Variants in SOX5 observed in about 807,000 individuals in gnomAD.
SOX5 encodes the protein transcription factor SOX-5.
SOX5 carries 9 observed loss-of-function variants against 92.0 expected under a neutral mutation model. That is an observed-to-expected ratio of 0.10 (90% CI 0.06 to 0.17). The LOEUF is 0.17. SOX5 is among the 10% of genes least tolerant of loss of function. The pLI, the probability that SOX5 is intolerant of heterozygous loss-of-function variation, is 1.00. For missense variants in SOX5, 642 were observed against 944.5 expected (o/e 0.68, Z 4.20); for synonymous variants, 344 against 336.3 (o/e 1.02, Z -0.25).
chr12:24,226,636 A>C (rs1314182247), intron 3 of SOX5, among the ~76,000 whole-genome samples: 1 of 151,644 alleles, frequency 6.6e-6, no homozygotes, highest in Non-Finnish European at 1.5e-5. Flanking sequence ...ACGCCCAGCT[A>C]ATTTTTGTAT....
chr12:23,759,568 G>C (rs1053864943), intron 3 of SOX5, among the ~76,000 whole-genome samples: 2 of 152,066 alleles, frequency 1.3e-5, no homozygotes, highest in African/African-American at 4.8e-5. Flanking sequence ...ATAACAGTAA[G>C]AAATAATCTC....
intron 4 of SOX5, among the ~76,000 whole-genome samples, chr12:23,971,222 A>G (rs1037322626): frequency 7.1e-6 from 1 of 141,836 alleles, no homozygotes; most frequent in African/African-American, 2.7e-5. Context: ...TCCTGGGTTC[A>G]TGCCATTCTC....
chr12:24,119,447 T>G (rs1000078356), intron 4 of SOX5, among the ~76,000 whole-genome samples: 9 of 152,114 alleles, frequency 5.9e-5, no homozygotes, highest in African/African-American at 2.2e-4. Context: ...TTTTGTAAAA[T>G]GAATGCAGAT....
At chr12:24,118,000 C>G (rs1179410225) in intron 4 of SOX5, among the ~76,000 whole-genome samples, 2 of 110,994 alleles carry the variant, frequency 1.8e-5, no homozygotes, top group Non-Finnish European at 3.4e-5. Context: ...GCCTGGGGAA[C>G]AGAGCGAGAC....
chr12:24,246,281 G>A (rs976651340), intron 3 of SOX5, among the ~76,000 whole-genome samples: 3 of 142,492 alleles, frequency 2.1e-5, no homozygotes, highest in Non-Finnish European at 4.6e-5. Context: ...TACAGACACA[G>A]ATTTTTTTTT....
intron 7 of SOX5, among the ~76,000 whole-genome samples, chr12:23,661,681 T>G (rs1041622507): frequency 9.2e-5 from 14 of 152,202 alleles, no homozygotes; most frequent in African/African-American, 2.9e-4. Flanking sequence ...ACAGCTCACA[T>G]GTTAAAGTCT....
Position 24,240,803 on chromosome 12 carries a change from C to A in SOX5, c.-76-27386G>T, listed in dbSNP as rs75074525. ...ACTATCAAACAATATCTACGGTGAA[C>A]CTATTGTTTTCCATACAGCCATTCT... On this transcript the variant is annotated intron_variant, in intron 3 of 4. Transcript: ENST00000446891. 3.1e-3 allele frequency among the ~76,000 whole-genome samples: 474 copies of A among 152,254 alleles called. 5 individuals are homozygous for A. Among genetic ancestry groups the A allele is most frequent in the African/African-American group, 0.011 (460 of 41,552 alleles).
chr12:24,405,763 T>C (rs11047420), intron 1 of SOX5, among the ~76,000 whole-genome samples: 10 of 151,962 alleles, frequency 6.6e-5, no homozygotes, highest in Admixed American at 2.0e-4. Flanking sequence ...GAAATTTCAA[T>C]GTAAATGACC....
intron 2 of SOX5, among the ~76,000 whole-genome samples, chr12:23,852,116 CATTT>C (rs2096639917): frequency 6.6e-6 from 1 of 152,040 alleles, no homozygotes; most frequent in Non-Finnish European, 1.5e-5. Context: ...TCCTTAGAAA[CATTT>C]ATTCATCACA....
intron 3 of SOX5, among the ~76,000 whole-genome samples, chr12:23,821,794 T>C (rs1376333223): frequency 1.3e-5 from 2 of 151,922 alleles, no homozygotes; most frequent in Admixed American, 6.6e-5. Flanking sequence ...TTTTTTGCTG[T>C]ATGTGTTGTT....
intron 10 of SOX5, among the ~76,000 whole-genome samples, chr12:23,570,730 G>A (rs977172015): frequency 7.9e-5 from 12 of 150,962 alleles, no homozygotes; most frequent in African/African-American, 2.9e-4. Flanking sequence ...ATAACATGGT[G>A]AAGCCCTGTC....
chr12:24,013,269 C>A (rs147845606), intron 4 of SOX5, among the ~76,000 whole-genome samples: 1 of 152,228 alleles, frequency 6.6e-6, no homozygotes, highest in African/African-American at 2.4e-5. Flanking sequence ...GAAGGCTAGT[C>A]TGAACAGTGT....
chr12:24,168,755 T>G (rs957608911), intron 4 of SOX5, among the ~76,000 whole-genome samples: 18 of 152,214 alleles, frequency 1.2e-4, no homozygotes, highest in African/African-American at 4.3e-4. Flanking sequence ...CCCATCATTG[T>G]ATAAACCAAA....
chr12:24,059,138 T>C (rs1939172617), intron 4 of SOX5, among the ~76,000 whole-genome samples: 1 of 152,234 alleles, frequency 6.6e-6, no homozygotes, highest in Non-Finnish European at 1.5e-5. Context: ...ATATACTGTA[T>C]GCATATTACA....
chr12:24,123,393 T>G (rs899949927), intron 4 of SOX5, among the ~76,000 whole-genome samples: 1 of 152,212 alleles, frequency 6.6e-6, no homozygotes, highest in Non-Finnish European at 1.5e-5. Flanking sequence ...TGAATTACAT[T>G]GAATATACAC....
At chr12:24,373,138 G>C (rs978467179) in intron 1 of SOX5, among the ~76,000 whole-genome samples, 1 of 151,428 alleles carries the variant, frequency 6.6e-6, no homozygotes, top group Non-Finnish European at 1.5e-5. Context: ...AAAAAAACCA[G>C]ACTTGGAAAA....
chr12:24,311,848 A>G (rs928095502), intron 2 of SOX5, among the ~76,000 whole-genome samples: 1 of 152,220 alleles, frequency 6.6e-6, no homozygotes, highest in African/African-American at 2.4e-5. Context: ...AGCTGTGATT[A>G]GAAGTATAAT....
chr12:24,536,454 G>A (rs1597716901), intron 1 of SOX5, among the ~76,000 whole-genome samples: 1 of 152,116 alleles, frequency 6.6e-6, no homozygotes, highest in Non-Finnish European at 1.5e-5. Context: ...CAAAAGTTCA[G>A]AGCAACACAC....
chr12:23,821,833 C>G (rs893814751), intron 3 of SOX5, among the ~76,000 whole-genome samples: 1 of 152,060 alleles, frequency 6.6e-6, no homozygotes, highest in African/African-American at 2.4e-5. Context: ...TTGACTTCTT[C>G]CTGGTTTATT....
Sources: allele counts gnomAD v4.1 joint callset (sites outside exome capture counted in the v4.1 genomes callset), GRCh38; gene constraint gnomAD v4.1.1; transcripts MANE v1.5; gene names NCBI Gene and HGNC (gene_info 2026-07-23, HGNC 2026-07-21).